Variants in SSPN observed in about 807,000 individuals in gnomAD.
The protein encoded by SSPN is sarcospan, also known as K-ras oncogene-associated protein.
A neutral mutation model predicts 19.1 loss-of-function variants in SSPN; 15 were observed. The ratio of observed to expected loss-of-function variants is 0.78; its 90% CI spans 0.52 to 1.21. The LOEUF is 1.21. Ranked by LOEUF, SSPN falls within the 50% of genes most tolerant of loss-of-function variation. SSPN has a pLI of 0.00. For synonymous variants in SSPN, 147 were observed against 140.3 expected (o/e 1.05, Z -0.34); for missense variants, 291 against 314.0 (o/e 0.93, Z 0.55).
Position 26,123,091 on chromosome 12 carries a change from C to T in SSPN, c.-31+939C>T, listed in dbSNP as rs771058108. 8 of 1,606,248 alleles carry T rather than the reference C, an allele frequency of 5.0e-6. No homozygotes were observed. The South Asian group carries it at 7.8e-5, about 16-fold the overall frequency. On this transcript the variant is annotated intron_variant, in intron 1 of 2. Transcript: ENST00000538142. ...TCAAACCGGGAGAGGTATTGCAAGA[C>T]TTCTTTGGCGCATGTTTGAAATCCC...
At chr12:26,142,080 A>T (rs974745984) in intron 1 of SSPN, among the ~76,000 whole-genome samples, 1 of 152,194 alleles carries the variant, frequency 6.6e-6, no homozygotes, top group African/African-American at 2.4e-5. Flanking sequence ...AAGAGAATAC[A>T]CAGGTATTAA....
chr12:26,174,825 C>G (rs1256458817), intron 1 of SSPN, among the ~76,000 whole-genome samples: 1 of 152,102 alleles, frequency 6.6e-6, no homozygotes, highest in Non-Finnish European at 1.5e-5. Context: ...CCGGCCTCCC[C>G]CTACCATTTC....
rs529978341 is a variant in SSPN at position 26,224,367 on chromosome 12, A to G, written c.354A>G (p.Gln118=). The change falls in exon 2 of 3, where the codon CAA becomes CAG. Residue 118 remains glutamine, a synonymous_variant. Transcript: ENST00000242729. ...SYQVDERTCI[Q]FSMKLLYFLL... is the part of the protein sequence containing the mutation. The stretch of plus-strand genomic sequence containing the variant: ...AGGTTGACGAACGGACATGTATTCA[A>G]TTTTCTATGAAAGTAAGTTGTGATT... The G allele has an allele frequency of 2.7e-5, 43 of 1,612,682 alleles. No homozygotes were observed. The highest frequency in any genetic ancestry group is 2.4e-4 in the African/African-American group (18 of 74,990).
At chr12:26,174,503 CCCTTCCTTCCTT>C (rs1555177709) in intron 1 of SSPN, among the ~76,000 whole-genome samples, 3 of 124,290 alleles carry the variant, frequency 2.4e-5, no homozygotes, top group Non-Finnish European at 3.2e-5. Context: ...TTCCTTCCTT[CCCTTCCTTCCTT>C]CCTTCCTTCC....
At chr12:26,174,123 C>A (rs1212015477) in intron 1 of SSPN, among the ~76,000 whole-genome samples, 1 of 152,098 alleles carries the variant, frequency 6.6e-6, no homozygotes, top group South Asian at 2.1e-4. Context: ...CCTGCTTAAA[C>A]CCAGTAAAGG....
At chr12:26,215,451 T>C (rs931882296) in intron 1 of SSPN, among the ~76,000 whole-genome samples, 8 of 151,914 alleles carry the variant, frequency 5.3e-5, no homozygotes, top group African/African-American at 1.5e-4. Flanking sequence ...AGAAATGGGG[T>C]GGAGGTGCAG....
chr12:26,122,098 C>G, exon 1 of SSPN: 1 of 1,549,842 alleles, frequency 6.5e-7, no homozygotes, highest in Non-Finnish European at 8.7e-7. Context: ...TGCGAGGGAT[C>G]TTCCTGAGCA....
chr12:26,144,619 G>A (rs887443697), intron 1 of SSPN, among the ~76,000 whole-genome samples: 1 of 152,136 alleles, frequency 6.6e-6, no homozygotes, highest in Non-Finnish European at 1.5e-5. Flanking sequence ...ACAAGAGCAG[G>A]CAATGAATAG....
At chr12:26,207,253 G>A (rs1944938903) in intron 1 of SSPN, among the ~76,000 whole-genome samples, 1 of 152,078 alleles carries the variant, frequency 6.6e-6, no homozygotes, top group Non-Finnish European at 1.5e-5. Context: ...CAGTAATTCT[G>A]TGCAATTCTA....
chr12:26,220,390 C>T (rs1472038759), intron 1 of SSPN, among the ~76,000 whole-genome samples: 1 of 151,850 alleles, frequency 6.6e-6, no homozygotes, highest in Non-Finnish European at 1.5e-5. Context: ...TTGAAGCTTT[C>T]AAAAATCTAA....
rs1945225370 is a variant in SSPN at position 26,230,990 on chromosome 12, A to T, written c.646A>T (p.Met216Leu). The change falls in exon 3 of 3, where the codon ATG (methionine) becomes TTG (leucine). Residue 216 changes from methionine (M) to leucine (L), a missense_variant. Around this residue, in one of 3 missense-constraint regions of SSPN, gnomAD observed 141 missense variants for 166.7 expected, o/e 0.85. Transcript: ENST00000242729. Reference sequence around the variant, plus strand: ...TGTGTGCTTGTTGGCCTGCTTTGTGATGTGGAAACATAGGTACCAGGTCTT... The same window carrying T: ...TGTGTGCTTGTTGGCCTGCTTTGTGTTGTGGAAACATAGGTACCAGGTCTT... ...GLVCLLACFV[M>L]WKHRYQVFYV... 6.2e-7 allele frequency: 1 copy of T among 1,614,056 alleles called. No individual in the cohort carries two copies. The highest frequency in any genetic ancestry group is 1.7e-5 in the Admixed American group (1 of 60,008).
intron 1 of SSPN, among the ~76,000 whole-genome samples, chr12:26,203,447 T>TAA (rs143829380): frequency 1.3e-4 from 20 of 152,036 alleles, no homozygotes; most frequent in African/African-American, 4.8e-4. Context: ...GAACTTCTTT[T>TAA]AAAAAAATAG....
intron 1 of SSPN, chr12:26,126,292 A>T (rs2137392781): frequency 6.6e-6 from 1 of 152,454 alleles, no homozygotes; most frequent in Admixed American, 6.5e-5. Flanking sequence ...GCATGTCCTG[A>T]GGGACTCCCA....
intron 1 of SSPN, chr12:26,123,293 A>C (rs556477377): frequency 7.8e-7 from 1 of 1,288,174 alleles, no homozygotes; most frequent in Non-Finnish European, 1.0e-6. Context: ...GTTTTTCCCC[A>C]GTATTCAAGT....
intron 1 of SSPN, chr12:26,122,246 G>T: frequency 7.8e-7 from 1 of 1,275,456 alleles, no homozygotes; most frequent in Non-Finnish European, 9.9e-7. Flanking sequence ...CCGCCTTCTC[G>T]GGAGGGGGCG....
At chr12:26,149,845 G>A (rs780261514) in intron 1 of SSPN, among the ~76,000 whole-genome samples, 16 of 152,070 alleles carry the variant, frequency 1.1e-4, no homozygotes, top group Admixed American at 3.9e-4. Context: ...CACACATACT[G>A]CACCTGAAAT....
chr12:26,157,282 A>G (rs1362697099), intron 1 of SSPN, among the ~76,000 whole-genome samples: 2 of 152,216 alleles, frequency 1.3e-5, no homozygotes, highest in African/African-American at 4.8e-5. Flanking sequence ...TTTGTTTGCA[A>G]CTGTCTAGGA....
intron 1 of SSPN, among the ~76,000 whole-genome samples, chr12:26,200,689 T>C (rs1161398003): frequency 2.6e-5 from 4 of 152,152 alleles, no homozygotes; most frequent in African/African-American, 9.7e-5. Flanking sequence ...TAGAGTTGTA[T>C]TGACATTTGA....
chr12:26,186,444 A>C (rs1944754958), intron 1 of SSPN, among the ~76,000 whole-genome samples: 1 of 152,258 alleles, frequency 6.6e-6, no homozygotes, highest in Non-Finnish European at 1.5e-5. Flanking sequence ...ATTTCCTCAT[A>C]TGCCAAATTG....
Sources: gnomAD v4.1 joint callset for allele counts (sites outside exome capture counted in the v4.1 genomes callset) on GRCh38, gnomAD v4.1.1 for gene constraint, gnomAD v4.1.1 regional missense constraint, MANE v1.5 for transcripts, NCBI Gene and HGNC (gene_info 2026-07-23, HGNC 2026-07-21) for gene names.